EML1: variants seen among roughly 807,000 people sequenced by gnomAD.
EML1 encodes the protein echinoderm microtubule-associated protein-like 1.
In EML1, 27 loss-of-function variants were observed where a neutral mutation model predicts 110.4. The observed-to-expected ratio is 0.24, with a 90% confidence interval of 0.18 to 0.34. The LOEUF (loss-of-function observed/expected upper bound fraction) is 0.34, where lower values mean the gene tolerates loss of function less well. Among genes scored for constraint, EML1 ranks in the 10% least tolerant of loss-of-function variants. EML1 has a pLI of 1.00. For missense variants in EML1, 741 were observed against 1,030.9 expected (o/e 0.72, Z 3.85); for synonymous variants, 344 against 385.8 (o/e 0.89, Z 1.27).
chr14:99,779,596 T>C (rs2057518050), intron 1 of EML1, among the ~76,000 whole-genome samples: 1 of 152,222 alleles, frequency 6.6e-6, no homozygotes, highest in East Asian at 1.9e-4. Context: ...AACTTCACTT[T>C]ATTTCCCAAC....
intron 1 of EML1, among the ~76,000 whole-genome samples, chr14:99,787,638 A>G (rs998517047): frequency 1.3e-5 from 2 of 152,120 alleles, no homozygotes; most frequent in African/African-American, 4.8e-5. Flanking sequence ...AGAATGTGCC[A>G]CCAACTGGAG....
chr14:99,853,245 A>T (rs761802154), intron 2 of EML1, among the ~76,000 whole-genome samples: 16 of 152,198 alleles, frequency 1.1e-4, no homozygotes, highest in Non-Finnish European at 2.1e-4. Context: ...TCACACCAAG[A>T]AGTAAAAAAA....
At chr14:99,757,623 TG>T (rs1292339728) in intron 1 of EML1, among the ~76,000 whole-genome samples, 3 of 152,224 alleles carry the variant, frequency 2.0e-5, no homozygotes, top group Non-Finnish European at 4.4e-5. Context: ...ATATGTGTGT[TG>T]CTTGAAAGCA....
At chr14:99,932,806 CTGTT>C (rs1194654336) in intron 17 of EML1, among the ~76,000 whole-genome samples, 1 of 151,686 alleles carries the variant, frequency 6.6e-6, no homozygotes, top group Non-Finnish European at 1.5e-5. Flanking sequence ...TGCGTTAAAC[CTGTT>C]TGTTAAATAA....
chr14:99,920,260 T>C (rs183673809), intron 16 of EML1, among the ~76,000 whole-genome samples: 1 of 152,328 alleles, frequency 6.6e-6, no homozygotes, highest in East Asian at 1.9e-4. Flanking sequence ...TTCTCCCATT[T>C]GCTCTGTGCT....
At chr14:99,885,944 A>G (rs1196079264) in intron 4 of EML1, 26 of 453,942 alleles carry the variant, frequency 5.7e-5, no homozygotes, top group Non-Finnish European at 8.8e-5. Context: ...GCTGGCCTCA[A>G]AATCTGTGCT....
At chr14:99,879,835 T>G (rs1193560537) in intron 4 of EML1, among the ~76,000 whole-genome samples, 1 of 152,216 alleles carries the variant, frequency 6.6e-6, no homozygotes, top group Non-Finnish European at 1.5e-5. Flanking sequence ...TTCTTTGAAT[T>G]CAGGGTAAGC....
Position 99,941,971 on chromosome 14 carries a change from T to C in EML1, c.*1859T>C, listed in dbSNP as rs1019340768. The C allele has an allele frequency of 8.5e-5, 13 of 152,258 alleles. No homozygotes were observed. Among genetic ancestry groups the C allele is most frequent in the African/African-American group, 2.9e-4 (12 of 41,458 alleles). 9.4% of individuals were successfully genotyped at this position (152,258 alleles called of 1,614,324 possible). A position where few individuals can be genotyped will look rare whatever the true frequency, so the allele number is the denominator to read the frequency against. ...CATCTACTATTTTAGATAAATGTAC[T>C]GTTATATATATATGTAAACTACTAT... On this transcript the variant is annotated 3_prime_UTR_variant, in exon 22 of 22. Transcript: ENST00000262233.
intron 1 of EML1, among the ~76,000 whole-genome samples, chr14:99,797,602 T>TGAAA (rs1415387563): frequency 1.4e-4 from 21 of 152,178 alleles, no homozygotes; most frequent in African/African-American, 4.8e-4. Flanking sequence ...AGGAAATGGA[T>TGAAA]GAAAGAGGGA....
At chr14:99,818,658 G>A (rs993611938) in intron 1 of EML1, among the ~76,000 whole-genome samples, 11 of 152,168 alleles carry the variant, frequency 7.2e-5, no homozygotes, top group Non-Finnish European at 1.6e-4. Context: ...GAGCTTGAGA[G>A]GGTTCTGGCC....
At chr14:99,805,621 C>T (rs2057957369) in intron 1 of EML1, among the ~76,000 whole-genome samples, 1 of 152,064 alleles carries the variant, frequency 6.6e-6, no homozygotes. Flanking sequence ...ACTATAGGCA[C>T]ATGCCACCGT....
At chr14:99,871,504 C>G (rs1241872352) in intron 3 of EML1, among the ~76,000 whole-genome samples, 1 of 151,038 alleles carries the variant, frequency 6.6e-6, no homozygotes, top group South Asian at 2.1e-4. Context: ...CAGAGCGAGA[C>G]CCTGTCTCAA....
intron 1 of EML1, among the ~76,000 whole-genome samples, chr14:99,757,599 A>C (rs1349816564): frequency 6.6e-6 from 1 of 152,222 alleles, no homozygotes; most frequent in Non-Finnish European, 1.5e-5. Context: ...AATAAGCAAA[A>C]GCAAAGTTGA....
rs138045021 is a variant in EML1, at chr14:99,894,400, C to T, written c.548-229C>T. On this transcript the variant is annotated intron_variant, in intron 5 of 21. Transcript: ENST00000262233. ...AGTTCCTTCCTGCCTTTTACAATTT[C>T]GTAGGTATCTCATGTACTTAAGTAA... The T allele has an allele frequency of 6.2e-4, 191 of 307,086 alleles. 1 individual carries two copies. Among genetic ancestry groups the T allele is most frequent in the African/African-American group, 3.9e-3 (180 of 46,354 alleles). 19.0% of individuals were successfully genotyped at this position (307,086 alleles called of 1,614,324 possible). A position where few individuals can be genotyped will look rare whatever the true frequency, so the allele number is the denominator to read the frequency against.
intron 1 of EML1, among the ~76,000 whole-genome samples, chr14:99,849,720 G>C (rs946767267): frequency 1.3e-5 from 2 of 151,386 alleles, no homozygotes; most frequent in African/African-American, 4.9e-5. Flanking sequence ...GCTAATTTTT[G>C]AATTTTTAGT....
intron 17 of EML1, among the ~76,000 whole-genome samples, chr14:99,935,761 G>A (rs1343531807): frequency 2.5e-5 from 3 of 121,106 alleles, no homozygotes; most frequent in African/African-American, 7.0e-5. Flanking sequence ...CCGGCCTGGC[G>A]ACAGAGCGAG....
chr14:99,783,860 G>T (rs2057570082), intron 1 of EML1, among the ~76,000 whole-genome samples: 1 of 152,180 alleles, frequency 6.6e-6, no homozygotes, highest in Non-Finnish European at 1.5e-5. Context: ...ATGAGTGGTT[G>T]CCCTAATATT....
intron 1 of EML1, among the ~76,000 whole-genome samples, chr14:99,824,131 T>C (rs370388486): frequency 4.9e-4 from 74 of 152,266 alleles, no homozygotes; most frequent in African/African-American, 1.7e-3. Context: ...TAATTTTTTG[T>C]ATTTTTTTAG....
chr14:99,837,155 C>A (rs574787062), intron 1 of EML1, among the ~76,000 whole-genome samples: 1 of 152,092 alleles, frequency 6.6e-6, no homozygotes, highest in African/African-American at 2.4e-5. Context: ...CCCCATTACC[C>A]TCTCTGCGAA....
Sources: gnomAD v4.1 joint callset for allele counts (sites outside exome capture counted in the v4.1 genomes callset) on GRCh38, gnomAD v4.1.1 for gene constraint, MANE v1.5 for transcripts, NCBI Gene and HGNC (gene_info 2026-07-23, HGNC 2026-07-21) for gene names.